Variants in MTAP observed in about 807,000 individuals in gnomAD.
MTAP encodes methylthioadenosine phosphorylase, also known as S-methyl-5'-thioadenosine phosphorylase.
MTAP carries 33 observed loss-of-function variants against 33.6 expected under a neutral mutation model. The ratio of observed to expected loss-of-function variants is 0.98; its 90% CI spans 0.74 to 1.31. The LOEUF is 1.31. Among genes scored for constraint, MTAP ranks in the 40% most tolerant of loss-of-function variants. The pLI is 0.00. For synonymous variants in MTAP, 148 were observed against 125.7 expected (o/e 1.18, Z -1.19); for missense variants, 367 against 360.0 (o/e 1.02, Z -0.16).
chr9:21,861,628 A>G (rs1825755415), intron 7 of MTAP: 1 of 238,560 alleles, frequency 4.2e-6, no homozygotes, highest in Non-Finnish European at 8.1e-6. Context: ...ACACATAAAA[A>G]TTTCAATGAT....
chr9:21,822,170 A>C (rs1344483344), intron 4 of MTAP, among the ~76,000 whole-genome samples: 1 of 151,962 alleles, frequency 6.6e-6, no homozygotes, highest in East Asian at 1.9e-4. Flanking sequence ...GTCTTCTGCT[A>C]GCTTTTGAAT....
intron 1 of MTAP, among the ~76,000 whole-genome samples, chr9:21,891,969 A>C (rs1818207764): frequency 6.6e-6 from 1 of 152,230 alleles, no homozygotes; most frequent in Admixed American, 6.5e-5. Flanking sequence ...TGTGGCCTAT[A>C]TTCAACATTC....
chr9:21,898,610 C>T (rs1180208229), intron 1 of MTAP, among the ~76,000 whole-genome samples: 2 of 152,158 alleles, frequency 1.3e-5, no homozygotes, highest in South Asian at 2.1e-4. Flanking sequence ...TACATTTATG[C>T]AGCCAACAGA....
At chr9:21,822,424 A>G (rs976032382) in intron 4 of MTAP, among the ~76,000 whole-genome samples, 1 of 152,100 alleles carries the variant, frequency 6.6e-6, no homozygotes, top group Non-Finnish European at 1.5e-5. Context: ...TTCAATTTCC[A>G]TGTAGTTGAG....
chr9:21,894,891 G>C (rs1411242699), intron 1 of MTAP, among the ~76,000 whole-genome samples: 1 of 151,046 alleles, frequency 6.6e-6, no homozygotes, highest in Non-Finnish European at 1.5e-5. Context: ...TAACATCCAA[G>C]CTGAGAGCCA....
chr9:21,853,129 C>T (rs1338816143), intron 5 of MTAP, among the ~76,000 whole-genome samples: 1 of 152,170 alleles, frequency 6.6e-6, no homozygotes, highest in Non-Finnish European at 1.5e-5. Context: ...TCCTCATAAG[C>T]ATGGTACCTA....
intron 5 of MTAP, among the ~76,000 whole-genome samples, chr9:21,844,822 C>T (rs553500769): frequency 1.1e-3 from 173 of 152,206 alleles, no homozygotes; most frequent in Admixed American, 2.0e-3. Context: ...ATCACAAGGT[C>T]AGATCGAGAC....
chr9:21,868,157 G>C (rs1462442699), downstream of MTAP, among the ~76,000 whole-genome samples: 2 of 152,128 alleles, frequency 1.3e-5, no homozygotes, highest in East Asian at 3.8e-4. Flanking sequence ...TATAGTGGTT[G>C]AATTTTTCAC....
intron 1 of MTAP, among the ~76,000 whole-genome samples, chr9:21,888,352 G>C (rs1435165436): frequency 6.6e-6 from 1 of 152,104 alleles, no homozygotes; most frequent in Non-Finnish European, 1.5e-5. Context: ...CTAGGGTATA[G>C]TTTAAGTCTA....
At chr9:21,841,266 C>G (rs552142059) in intron 5 of MTAP, among the ~76,000 whole-genome samples, 1 of 152,000 alleles carries the variant, frequency 6.6e-6, no homozygotes, top group South Asian at 2.1e-4. Flanking sequence ...GCCCCCTACT[C>G]CTTCTGCAGC....
At position 21,818,317 on chromosome 9, in the gene MTAP, CTTTTTTTTTT is replaced by C. The variant is rs35709813; in HGVS notation, c.347+133_347+142del. On this transcript the variant is annotated intron_variant, in intron 4 of 7. Transcript: ENST00000644715. ...GAGGGCAGTGCCACAGACTCGCTTG[CTTTTTTTTTT>C]TTTTTTTTTTTTTTTTTGGAGACGG... is the stretch of plus-strand genomic sequence containing the variant. 3.6e-4 allele frequency: 86 copies of C among 240,890 alleles called. 3 individuals are homozygous for C. The highest frequency in any genetic ancestry group is 1.2e-3 in the African/African-American group (29 of 23,792). 14.9% of individuals were successfully genotyped at this position (240,890 alleles called of 1,614,324 possible). A position where few individuals can be genotyped will look rare whatever the true frequency, so the allele number is the denominator to read the frequency against.
intron 1 of MTAP, among the ~76,000 whole-genome samples, chr9:21,894,088 G>T (rs1818246650): frequency 6.6e-6 from 1 of 151,818 alleles, no homozygotes. Context: ...CTGCAAGGTT[G>T]GTTCAATGTA....
intron 1 of MTAP, among the ~76,000 whole-genome samples, chr9:21,911,374 T>C (rs898470391): frequency 1.3e-5 from 2 of 152,158 alleles, no homozygotes; most frequent in African/African-American, 4.8e-5. Context: ...ACCACATAGT[T>C]GGAAGTAAAG....
chr9:21,932,639 C>T (rs1391443318), downstream of MTAP: 2 of 151,520 alleles, frequency 1.3e-5, no homozygotes, highest in Non-Finnish European at 2.9e-5. Context: ...AACCAATTAG[C>T]AGCAAGGACT....
intron 5 of MTAP, among the ~76,000 whole-genome samples, chr9:21,843,615 C>A (rs1419632634): frequency 1.3e-5 from 2 of 152,102 alleles, no homozygotes; most frequent in Non-Finnish European, 2.9e-5. Flanking sequence ...TATACAAATA[C>A]TTGGAAATGA....
intron 5 of MTAP, among the ~76,000 whole-genome samples, chr9:21,854,236 C>T (rs979302706): frequency 3.3e-5 from 5 of 152,180 alleles, no homozygotes; most frequent in African/African-American, 9.6e-5. Context: ...AGATAAGCGA[C>T]GAGAGGCACC....
intron 1 of MTAP, among the ~76,000 whole-genome samples, chr9:21,909,675 A>G (rs192199566): frequency 6.6e-6 from 1 of 152,178 alleles, no homozygotes; most frequent in Non-Finnish European, 1.5e-5. Context: ...AGAAAGATTA[A>G]TGGTAAGTAT....
chr9:21,854,607 A>G, intron 5 of MTAP, 24 bp from the exon 6 acceptor site: 1 of 1,522,356 alleles, frequency 6.6e-7, no homozygotes, highest in Non-Finnish European at 8.8e-7. Context: ...GTATGTTTTG[A>G]AGTTTCTGGT....
At chr9:21,854,032 G>T (rs543883484) in intron 5 of MTAP, among the ~76,000 whole-genome samples, 1 of 152,248 alleles carries the variant, frequency 6.6e-6, no homozygotes, top group South Asian at 2.1e-4. Flanking sequence ...TGCCACTAAA[G>T]GAATTCCAAG....
Sources: gnomAD v4.1 joint callset for allele counts (sites outside exome capture counted in the v4.1 genomes callset) on GRCh38, gnomAD v4.1.1 for gene constraint, MANE v1.5 for transcripts, NCBI Gene and HGNC (gene_info 2026-07-23, HGNC 2026-07-21) for gene names.